The following EPHA6 variants were observed in gnomAD, a reference collection of about 807,000 sequenced individuals.
EPHA6 encodes EPH receptor A6, also known as ephrin type-A receptor 6.
Under a neutral mutation model 112.0 loss-of-function variants are expected in EPHA6, and 50 were observed. That is an observed-to-expected ratio of 0.45 (90% CI 0.36 to 0.56). EPHA6 has a LOEUF of 0.56. Among genes scored for constraint, EPHA6 ranks in the 20% least tolerant of loss-of-function variants. The pLI is 0.00. For synonymous variants in EPHA6, 529 were observed against 490.7 expected, an observed-to-expected ratio of 1.08 and a Z score of -1.03; for missense variants, 1,280 against 1,417.4, an observed-to-expected ratio of 0.90 and a Z score of 1.56.
At chr3:97,171,080 G>GA (rs2076686852) in intron 3 of EPHA6, among the ~76,000 whole-genome samples, 2 of 152,088 alleles carry the variant, frequency 1.3e-5, no homozygotes, top group African/African-American at 2.4e-5. Flanking sequence ...AACTAACCAG[G>GA]AAAAAATTGT....
At position 97,748,943 on chromosome 3, in the gene EPHA6, G is replaced by A; in HGVS notation, c.*242G>A. The A allele has an allele frequency of 2.1e-6, 1 of 487,324 alleles. No homozygotes were observed. The highest frequency in any genetic ancestry group is 2.7e-5 in the South Asian group (1 of 37,596). 30.2% of individuals were successfully genotyped at this position (487,324 alleles called of 1,614,324 possible). On this transcript the variant is annotated 3_prime_UTR_variant, in exon 18 of 18. Transcript: ENST00000389672. ...CACTGCAGATTATTGCTACGCAATG[G>A]TAAATAACTCAGCATGGATGTGTAA...
intron 3 of EPHA6, among the ~76,000 whole-genome samples, chr3:97,092,539 A>G (rs552282061): frequency 3.3e-5 from 5 of 152,208 alleles, no homozygotes; most frequent in African/African-American, 9.6e-5. Context: ...AGACAAAAGT[A>G]TATCTATAAA....
At chr3:97,648,379 C>A in intron 14 of EPHA6, 1 of 1,526,474 alleles carries the variant, frequency 6.6e-7, no homozygotes, top group Non-Finnish European at 8.7e-7. Flanking sequence ...ACATAGCCTA[C>A]ACCCAACTGG....
Position 97,388,735 on chromosome 3 carries a change from G to C in EPHA6, c.1607-16415G>C, listed in dbSNP as rs111557413. On this transcript the variant is annotated intron_variant, in intron 5 of 17. Coordinates refer to ENST00000389672, the MANE Select transcript of EPHA6 (RefSeq NM_001080448.3). The stretch of plus-strand genomic sequence containing the variant: ...CTCTGCTTTCAGGCAGATAAAGGAA[G>C]TTTGGGGGAAAAAGATCCTCATCAC... 3.3e-3 allele frequency among the ~76,000 whole-genome samples: 497 copies of C among 152,240 alleles called. 3 individuals are homozygous for C. The highest frequency in any genetic ancestry group is 0.012 in the African/African-American group (481 of 41,560).
At chr3:97,600,787 G>T (rs1320024838) in intron 12 of EPHA6, among the ~76,000 whole-genome samples, 3 of 151,246 alleles carry the variant, frequency 2.0e-5, no homozygotes, top group Non-Finnish European at 4.4e-5. Flanking sequence ...TCATCTTTAT[G>T]TAAGACTAGC....
At chr3:97,045,218 T>C (rs111957399) in intron 3 of EPHA6, among the ~76,000 whole-genome samples, 2,017 of 152,040 alleles carry the variant, frequency 0.013, 49 homozygotes, top group African/African-American at 0.045. Context: ...TTAAAAAACA[T>C]AGTTTCTCTT....
chr3:97,396,516 A>G (rs1163203341), intron 5 of EPHA6, among the ~76,000 whole-genome samples: 1 of 151,518 alleles, frequency 6.6e-6, no homozygotes, highest in Non-Finnish European at 1.5e-5. Flanking sequence ...TATTTGTGAC[A>G]TTATTTTATT....
chr3:97,074,209 A>G (rs941416278), intron 3 of EPHA6, among the ~76,000 whole-genome samples: 3 of 151,998 alleles, frequency 2.0e-5, no homozygotes, highest in African/African-American at 4.8e-5. Context: ...TCTATTGCCA[A>G]TAGAAAATCA....
intron 14 of EPHA6, among the ~76,000 whole-genome samples, chr3:97,653,461 T>A (rs2094119703): frequency 6.6e-6 from 1 of 151,994 alleles, no homozygotes; most frequent in South Asian, 2.1e-4. Flanking sequence ...AGATATCACC[T>A]CATACCTATT....
At chr3:97,025,732 G>A (rs982192732) in intron 3 of EPHA6, among the ~76,000 whole-genome samples, 1 of 152,104 alleles carries the variant, frequency 6.6e-6, no homozygotes, top group African/African-American at 2.4e-5. Context: ...GGGACTGCAG[G>A]TGCACACCAC....
rs116050296 is a variant in EPHA6 at position 97,228,852 on chromosome 3, T to C, written c.1270+2433T>C. On this transcript the variant is annotated intron_variant, in intron 4 of 17. Transcript: ENST00000389672. The stretch of plus-strand genomic sequence containing the variant: ...ACATTCCCACCAGCAGTGTAAGTGT[T>C]TGCTTTTCACCACATCCACATCAAC... Among the ~76,000 whole-genome samples, 1,416 of 152,300 alleles carry C rather than the reference T, an allele frequency of 9.3e-3. 20 individuals are homozygous for C. Among genetic ancestry groups the C allele is most frequent in the African/African-American group, 0.032 (1,326 of 41,564 alleles).
intron 1 of EPHA6, among the ~76,000 whole-genome samples, chr3:96,848,397 C>CG (rs2035198537): frequency 6.6e-6 from 1 of 151,908 alleles, no homozygotes; most frequent in Non-Finnish European, 1.5e-5. Context: ...GAGGCTGAGG[C>CG]GGGCGGATCA....
chr3:97,593,428 T>A (rs1476190207), intron 12 of EPHA6, among the ~76,000 whole-genome samples: 1 of 152,210 alleles, frequency 6.6e-6, no homozygotes, highest in Non-Finnish European at 1.5e-5. Flanking sequence ...TCATTGTACC[T>A]AAAGGATGCA....
At chr3:97,212,322 T>C (rs1182335756) in intron 3 of EPHA6, among the ~76,000 whole-genome samples, 1 of 152,152 alleles carries the variant, frequency 6.6e-6, no homozygotes, top group African/African-American at 2.4e-5. Flanking sequence ...TCTGGGAATA[T>C]AACATTAAGT....
chr3:97,153,955 C>G (rs1228191199), intron 3 of EPHA6, among the ~76,000 whole-genome samples: 5 of 152,098 alleles, frequency 3.3e-5, no homozygotes. Flanking sequence ...CACCTGATGT[C>G]AGGAGTTCGA....
intron 14 of EPHA6, among the ~76,000 whole-genome samples, chr3:97,655,769 G>T (rs1421757435): frequency 7.3e-6 from 1 of 137,492 alleles, no homozygotes; most frequent in Admixed American, 7.4e-5. Flanking sequence ...AGTGGGGGGA[G>T]GGGGGAGGGA....
At chr3:96,852,417 G>A (rs185801060) in intron 1 of EPHA6, among the ~76,000 whole-genome samples, 4 of 152,016 alleles carry the variant, frequency 2.6e-5, no homozygotes, top group East Asian at 1.9e-4. Flanking sequence ...TGACAAAAGC[G>A]AGACTCTGTC....
At chr3:97,018,960 A>G (rs1460145533) in intron 3 of EPHA6, among the ~76,000 whole-genome samples, 1 of 152,224 alleles carries the variant, frequency 6.6e-6, no homozygotes, top group South Asian at 2.1e-4. Context: ...CTGTCTGGGC[A>G]TAACAGAAGG....
rs1388964224 is a variant in EPHA6 at position 97,760,451 on chromosome 3, T to A, written c.*11750T>A. On this transcript the variant is annotated 3_prime_UTR_variant, in exon 18 of 18. Transcript: ENST00000389672. ...TGTATGTAATTCAATATGTTGGAATTTAAAGATGCATTATTATTTGGATTT... is the reference window on the plus strand; with the variant it reads ...TGTATGTAATTCAATATGTTGGAATATAAAGATGCATTATTATTTGGATTT... 2 of 173,492 alleles carry A rather than the reference T, an allele frequency of 1.2e-5. No individual in the cohort carries two copies. The highest frequency in any genetic ancestry group is 4.8e-5 in the African/African-American group (2 of 41,944). 10.7% of individuals were successfully genotyped at this position (173,492 alleles called of 1,614,324 possible). A position where few individuals can be genotyped will look rare whatever the true frequency, so the allele number is the denominator to read the frequency against.
Sources: gnomAD v4.1 joint callset for allele counts (sites outside exome capture counted in the v4.1 genomes callset) on GRCh38, gnomAD v4.1.1 for gene constraint, MANE v1.5 for transcripts, NCBI Gene and HGNC (gene_info 2026-07-23, HGNC 2026-07-21) for gene names.